ECPAS: variants seen among roughly 807,000 people sequenced by gnomAD.
ECPAS encodes the protein Ecm29 proteasome adaptor and scaffold, also known as proteasome adapter and scaffold protein ECM29.
A neutral mutation model predicts 255.1 loss-of-function variants in ECPAS; 70 were observed. That is an observed-to-expected ratio of 0.27 (90% CI 0.23 to 0.33). ECPAS has a LOEUF of 0.33. ECPAS is among the 10% of genes least tolerant of loss of function. The pLI is 1.00. For missense variants in ECPAS, 1,817 were observed against 2,206.4 expected, an observed-to-expected ratio of 0.82 and a Z score of 3.54; for synonymous variants, 784 against 775.0, an observed-to-expected ratio of 1.01 and a Z score of -0.19.
At position 111,362,176 on chromosome 9, in the gene ECPAS, G is replaced by GAAAA; in HGVS notation, c.5381-11_5381-8dup. 6.7e-6 allele frequency: 8 copies of GAAAA among 1,187,924 alleles called. No homozygotes were observed. Among genetic ancestry groups the GAAAA allele is most frequent in the East Asian group, 2.8e-5 (1 of 35,524 alleles). 73.6% of individuals were successfully genotyped at this position (1,187,924 alleles called of 1,614,324 possible). ...CATTCCCACTGTTTAGATTCTGCAT[G>GAAAA]AAAAAAAAAAAACAAAAACAAAAAA... On this transcript the variant is annotated splice_region_variant and splice_polypyrimidine_tract_variant and intron_variant, in intron 49 of 49. Transcript: ENST00000684092.
chr9:111,409,196 A>G (rs533641656), intron 23 of ECPAS, among the ~76,000 whole-genome samples: 8 of 152,318 alleles, frequency 5.3e-5, no homozygotes, highest in African/African-American at 1.9e-4. Flanking sequence ...TGATTAGTTA[A>G]TAGCTAATAA....
intron 9 of ECPAS, among the ~76,000 whole-genome samples, chr9:111,429,340 G>T (rs574480975): frequency 6.6e-6 from 1 of 152,034 alleles, no homozygotes; most frequent in African/African-American, 2.4e-5. Flanking sequence ...TTGATATGTG[G>T]TAGGAACCTA....
intron 15 of ECPAS, among the ~76,000 whole-genome samples, chr9:111,420,642 A>G (rs574548055): frequency 7.2e-5 from 11 of 152,348 alleles, no homozygotes; most frequent in African/African-American, 2.4e-4. Flanking sequence ...AATATATTCA[A>G]TTAACTAAGA....
At chr9:111,464,973 C>T (rs1481664317) in intron 2 of ECPAS, among the ~76,000 whole-genome samples, 1 of 151,574 alleles carries the variant, frequency 6.6e-6, no homozygotes, top group Admixed American at 6.6e-5. Context: ...CACCTGAGGT[C>T]GGGAGTTTGA....
chr9:111,425,523 G>T, intron 11 of ECPAS, 27 bp from the exon 12 acceptor site: 3 of 1,481,124 alleles, frequency 2.0e-6, no homozygotes, highest in East Asian at 2.3e-5. Context: ...CATACACAAA[G>T]CAAGATAAGA....
chr9:111,424,160 A>C (rs2098218168), intron 12 of ECPAS, among the ~76,000 whole-genome samples: 1 of 152,230 alleles, frequency 6.6e-6, no homozygotes, highest in Non-Finnish European at 1.5e-5. Flanking sequence ...AGCATCACTC[A>C]ATAGGAGAAA....
At chr9:111,390,138 C>A (rs1335169221) in intron 29 of ECPAS, 37 bp from the exon 30 acceptor site, 4 of 1,228,252 alleles carry the variant, frequency 3.3e-6, no homozygotes, top group African/African-American at 1.5e-5. Context: ...CAATAATACA[C>A]TTCTCTCTCT....
rs1415198960 is a variant in ECPAS, at chr9:111,394,287, A to G, written c.2795T>C (p.Val932Ala). Residue 932 changes from valine (V) to alanine (A), a missense_variant, in exon 26 of 50, where the codon GTG becomes GCG. This residue lies in a region of ECPAS where 960 missense variants were observed against 1,179.0 expected (regional missense o/e 0.81). Coordinates refer to ENST00000684092, the MANE Select transcript of ECPAS (RefSeq NM_001364929.1). The part of the protein sequence containing the change: ...TPPAGAKVND[V>A]VPWVLDVILN... ...AATCACATCCAACACCCATGGAACC[A>G]CATCATTCACTTTGGCTCCTGGGGA... 1 of 1,546,012 alleles carries G rather than the reference A, an allele frequency of 6.5e-7. No individual in the cohort carries two copies. The highest frequency in any genetic ancestry group is 8.7e-7 in the Non-Finnish European group (1 of 1,144,748).
In ECPAS at chr9:111,366,650, G is replaced by A. The variant is rs149477176; in HGVS notation, c.5114-23C>T. The A allele has an allele frequency of 8.5e-5, 124 of 1,459,890 alleles. No homozygotes were observed. The African/African-American group carries it at 1.6e-3, about 19-fold the overall frequency. 90.4% of individuals were successfully genotyped at this position (1,459,890 alleles called of 1,614,324 possible). On this transcript the variant is annotated intron_variant, in intron 46 of 49. Transcript: ENST00000684092. ...AACCTGGGAAAAAAAGACAAGGTGGGACAGAGCAGGAGACAGTATAAAAGA... is the reference window on the plus strand; with the variant it reads ...AACCTGGGAAAAAAAGACAAGGTGGAACAGAGCAGGAGACAGTATAAAAGA...
At chr9:111,427,712 G>A (rs1429935006) in intron 10 of ECPAS, among the ~76,000 whole-genome samples, 2 of 152,158 alleles carry the variant, frequency 1.3e-5, no homozygotes, top group Non-Finnish European at 2.9e-5. Context: ...TTTTGTGCAT[G>A]AAGTAAAGTT....
intron 16 of ECPAS, among the ~76,000 whole-genome samples, chr9:111,418,929 CA>C (rs1296164177): frequency 6.6e-6 from 1 of 152,126 alleles, no homozygotes; most frequent in Non-Finnish European, 1.5e-5. Flanking sequence ...CCACTTTAAC[CA>C]GATTGAAATG....
chr9:111,424,264 G>A (rs1427771207), intron 12 of ECPAS, among the ~76,000 whole-genome samples: 1 of 152,150 alleles, frequency 6.6e-6, no homozygotes, highest in African/African-American at 2.4e-5. Context: ...AACGTGCCTT[G>A]ACTATGGTGA....
At chr9:111,387,758 T>C (rs540276973) in intron 31 of ECPAS, among the ~76,000 whole-genome samples, 1 of 148,728 alleles carries the variant, frequency 6.7e-6, no homozygotes, top group East Asian at 1.9e-4. Context: ...GTCTCACTCA[T>C]CGTCAGTGCA....
chr9:111,369,744 G>C (rs7862307), intron 45 of ECPAS, among the ~76,000 whole-genome samples: 1 of 150,864 alleles, frequency 6.6e-6, no homozygotes, highest in South Asian at 2.1e-4. Flanking sequence ...CTTTTTTTTG[G>C]GGGGGGGACC....
Position 111,484,336 on chromosome 9 carries a change from G to T in ECPAS, c.-303C>A. ...AGGTCTGCGGCTGTCACGTTGGCTG[G>T]GCCCGACCTGGGGAAACACGCCTGT... On this transcript the variant is annotated 5_prime_UTR_variant, in exon 1 of 50. Coordinates refer to ENST00000684092, the MANE Select transcript of ECPAS (RefSeq NM_001364929.1). 1 of 1,606,272 alleles carries T rather than the reference G, an allele frequency of 6.2e-7. No individual in the cohort carries two copies. Among genetic ancestry groups the T allele is most frequent in the Non-Finnish European group, 8.5e-7 (1 of 1,177,440 alleles).
At chr9:111,471,401 T>C (rs2098287918) in intron 2 of ECPAS, among the ~76,000 whole-genome samples, 1 of 152,190 alleles carries the variant, frequency 6.6e-6, no homozygotes, top group Non-Finnish European at 1.5e-5. Context: ...GGTTTTAAAA[T>C]TATCCCATCC....
chr9:111,366,234 C>T lies in ECPAS; in HGVS notation c.5308+5G>A. ...CCCTCATCAGTTTTAGTTTACTACACTCACCTAAAGAATATGTGATTGATT... is the reference window on the plus strand; with the variant it reads ...CCCTCATCAGTTTTAGTTTACTACATTCACCTAAAGAATATGTGATTGATT... On this transcript the variant is annotated splice_donor_5th_base_variant and intron_variant, in intron 48 of 49. Coordinates refer to ENST00000684092, the MANE Select transcript of ECPAS (RefSeq NM_001364929.1). 1 of 1,543,352 alleles carries T rather than the reference C, an allele frequency of 6.5e-7. No individual in the cohort carries two copies. The highest frequency in any genetic ancestry group is 8.8e-7 in the Non-Finnish European group (1 of 1,135,406).
chr9:111,370,356 T>A, intron 45 of ECPAS, 79 bp downstream of exon 45: 2 of 919,726 alleles, frequency 2.2e-6, no homozygotes, highest in Non-Finnish European at 1.6e-6. Flanking sequence ...ATCCTAATAA[T>A]CAGGACATAG....
At chr9:111,431,745 C>G (rs1253994604) in intron 8 of ECPAS, among the ~76,000 whole-genome samples, 2 of 152,156 alleles carry the variant, frequency 1.3e-5, no homozygotes, top group African/African-American at 2.4e-5. Flanking sequence ...TGTGCAAACA[C>G]AACAGATGAA....
Sources: allele counts gnomAD v4.1 joint callset (sites outside exome capture counted in the v4.1 genomes callset), GRCh38; gene constraint gnomAD v4.1.1; regional missense constraint gnomAD v4.1.1; transcripts MANE v1.5; gene names NCBI Gene and HGNC (gene_info 2026-07-23, HGNC 2026-07-21).